The following STPG2 variants were observed in gnomAD, a reference collection of about 807,000 sequenced individuals.
STPG2 encodes sperm tail PG-rich repeat containing 2.
STPG2 carries 56 observed loss-of-function variants against 54.2 expected under a neutral mutation model. The observed-to-expected ratio is 1.03, with a 90% CI of 0.83 to 1.29. The LOEUF is 1.29. STPG2 is among the 50% of genes most tolerant of loss of function. The probability of loss-of-function intolerance (pLI) is 0.00; values close to 1 mark genes in which losing one functional copy is unlikely to be tolerated. For synonymous variants in STPG2, 200 were observed against 181.8 expected (o/e 1.10, Z -0.81); for missense variants, 596 against 544.9 (o/e 1.09, Z -0.93).
At chr4:97,829,985 C>A (rs1728399242) in intron 9 of STPG2, among the ~76,000 whole-genome samples, 1 of 152,088 alleles carries the variant, frequency 6.6e-6, no homozygotes. Flanking sequence ...CCCAACATAG[C>A]AAGACAGGCC....
chr4:97,876,734 A>G (rs2149160599), intron 8 of STPG2, among the ~76,000 whole-genome samples: 1 of 152,094 alleles, frequency 6.6e-6, no homozygotes, highest in South Asian at 2.1e-4. Context: ...CATAAATATC[A>G]TTTTTTCTTG....
Position 97,943,990 on chromosome 4 carries a change from C to T in STPG2, c.951G>A (p.Gln317=). 3 of 1,609,560 alleles carry T rather than the reference C, an allele frequency of 1.9e-6. No homozygotes were observed. The highest frequency in any genetic ancestry group is 2.2e-5 in the East Asian group (1 of 44,464). ...PADYQEFWHS[Q]GVGISDELPN... ...GTAATTCATCAGAAATTCCCACACC[C>T]TGTGAATGCCAAAATTCCTGTTGAA... Residue 317 remains glutamine (Q), a synonymous_variant, in exon 8 of 11, where the codon CAG becomes CAA. Coordinates refer to ENST00000295268, the MANE Select transcript of STPG2 (RefSeq NM_174952.3).
rs1030957878 is a variant in STPG2 at position 97,903,914 on chromosome 4, C to T, written c.1044+39983G>A. 9.2e-5 allele frequency among the ~76,000 whole-genome samples: 14 copies of T among 152,202 alleles called. No homozygotes were observed. In the South Asian group the frequency reaches 2.5e-3, roughly 27 times the overall value. On this transcript the variant is annotated intron_variant, in intron 8 of 10. Coordinates refer to ENST00000295268, the MANE Select transcript of STPG2 (RefSeq NM_174952.3). ...AACGGGCTTAAAAAATGGCGCACCA[C>T]GAGATTATATTCCGCACCTGGCTCA... is the stretch of plus-strand genomic sequence containing the variant.
intron 10 of STPG2, among the ~76,000 whole-genome samples, chr4:97,674,105 G>C (rs1375713688): frequency 6.6e-6 from 1 of 152,064 alleles, no homozygotes; most frequent in Non-Finnish European, 1.5e-5. Context: ...TCCCTTCTCT[G>C]ATCTTCTCTA....
At chr4:98,123,613 G>T (rs1578181837) in intron 3 of STPG2, among the ~76,000 whole-genome samples, 1 of 152,094 alleles carries the variant, frequency 6.6e-6, no homozygotes, top group Non-Finnish European at 1.5e-5. Context: ...CCAATTATGT[G>T]ATCAATTTTA....
intron 8 of STPG2, among the ~76,000 whole-genome samples, chr4:97,893,882 A>G (rs2149177637): frequency 6.6e-6 from 1 of 152,114 alleles, no homozygotes; most frequent in African/African-American, 2.4e-5. Flanking sequence ...GTCCCCTAAA[A>G]TCTATTATTT....
chr4:97,969,261 T>C (rs1217663371), intron 7 of STPG2, among the ~76,000 whole-genome samples: 2 of 152,224 alleles, frequency 1.3e-5, no homozygotes, highest in Non-Finnish European at 2.9e-5. Flanking sequence ...GTTTCTGTTT[T>C]AAGGCTGTTA....
At chr4:97,865,177 T>C (rs1207245182) in intron 8 of STPG2, among the ~76,000 whole-genome samples, 1 of 151,906 alleles carries the variant, frequency 6.6e-6, no homozygotes, top group Admixed American at 6.6e-5. Flanking sequence ...GGGAGAAAAT[T>C]TTTGCAATCT....
intron 5 of STPG2, among the ~76,000 whole-genome samples, chr4:98,006,716 G>A (rs150317673): frequency 2.0e-3 from 301 of 152,260 alleles, no homozygotes; most frequent in African/African-American, 7.1e-3. Context: ...TTTTACCTAG[G>A]TAGCAAGATT....
intron 5 of STPG2, among the ~76,000 whole-genome samples, chr4:97,986,706 T>A (rs2149266549): frequency 6.6e-6 from 1 of 152,362 alleles, no homozygotes; most frequent in Non-Finnish European, 1.5e-5. Flanking sequence ...GTATTTCTAA[T>A]TTTATTTCAC....
intron 10 of STPG2, among the ~76,000 whole-genome samples, chr4:97,564,510 T>C (rs2148877764): frequency 6.6e-6 from 1 of 152,352 alleles, no homozygotes; most frequent in South Asian, 2.1e-4. Flanking sequence ...CGTTAGTTGA[T>C]GCAGTTTCTT....
chr4:97,595,620 GAAAAAAAA>G (rs900163067), intron 10 of STPG2, among the ~76,000 whole-genome samples: 2 of 149,356 alleles, frequency 1.3e-5, no homozygotes, highest in African/African-American at 2.5e-5. Context: ...AACAAAAAAA[GAAAAAAAA>G]AGAAAAATTC....
intron 5 of STPG2, among the ~76,000 whole-genome samples, chr4:98,001,886 T>C (rs1024378168): frequency 6.6e-6 from 1 of 152,164 alleles, no homozygotes; most frequent in Admixed American, 6.6e-5. Context: ...AAAATACACC[T>C]GTGGATTAAA....
At chr4:97,584,494 A>ACTTTTGCTG (rs1732942351) in intron 10 of STPG2, among the ~76,000 whole-genome samples, 1 of 152,030 alleles carries the variant, frequency 6.6e-6, no homozygotes, top group Non-Finnish European at 1.5e-5. Context: ...AGAACACACC[A>ACTTTTGCTG]AATCCAAACC....
intron 5 of STPG2, among the ~76,000 whole-genome samples, chr4:98,056,378 C>T (rs1737486077): frequency 6.6e-6 from 1 of 152,192 alleles, no homozygotes; most frequent in Non-Finnish European, 1.5e-5. Flanking sequence ...GCCTCCACCA[C>T]TGTGGTGAAT....
chr4:97,872,764 T>A (rs1730038188), intron 8 of STPG2, among the ~76,000 whole-genome samples: 1 of 151,330 alleles, frequency 6.6e-6, no homozygotes, highest in South Asian at 2.1e-4. Flanking sequence ...TCCTGTTTTT[T>A]TCTATATTAT....
intron 9 of STPG2, among the ~76,000 whole-genome samples, chr4:97,806,588 A>G (rs1336603752): frequency 6.6e-6 from 1 of 152,092 alleles, no homozygotes; most frequent in African/African-American, 2.4e-5. Context: ...CAATCATGCC[A>G]TCCTCTGCTG....
intron 8 of STPG2, among the ~76,000 whole-genome samples, chr4:97,933,372 A>C (rs1262972403): frequency 6.6e-6 from 1 of 152,034 alleles, no homozygotes; most frequent in African/African-American, 2.4e-5. Flanking sequence ...GTTTAATTAG[A>C]TCCCAATTGT....
chr4:98,086,779 C>G (rs1464129700), intron 5 of STPG2, among the ~76,000 whole-genome samples: 1 of 151,252 alleles, frequency 6.6e-6, no homozygotes, highest in African/African-American at 2.4e-5. Flanking sequence ...TGCATTATTG[C>G]AACCATCTTA....
Sources: allele counts gnomAD v4.1 joint callset (sites outside exome capture counted in the v4.1 genomes callset), GRCh38; gene constraint gnomAD v4.1.1; transcripts MANE v1.5; gene names NCBI Gene and HGNC (gene_info 2026-07-23, HGNC 2026-07-21).